The following SUZ12 variants were observed in gnomAD, a reference collection of about 807,000 sequenced individuals.
SUZ12 encodes the protein polycomb protein SUZ12.
SUZ12 carries 17 observed loss-of-function variants against 87.3 expected under a neutral mutation model. That is an observed-to-expected ratio of 0.19 (90% confidence interval 0.13 to 0.29). SUZ12 has a LOEUF of 0.29. SUZ12 is among the 10% of genes least tolerant of loss of function. The pLI is 1.00. For missense variants in SUZ12, 526 were observed against 912.2 expected (o/e 0.58, Z 5.45); for synonymous variants, 253 against 312.4 (o/e 0.81, Z 2.01).
intron 4 of SUZ12, among the ~76,000 whole-genome samples, chr17:31,957,532 C>G (rs1907425850): frequency 6.6e-6 from 1 of 152,028 alleles, no homozygotes; most frequent in Non-Finnish European, 1.5e-5. Flanking sequence ...CTGCCTCAGC[C>G]TCCCGAGTAG....
chr17:31,962,801 G>A (rs754325713), intron 4 of SUZ12, among the ~76,000 whole-genome samples: 23 of 152,368 alleles, frequency 1.5e-4, no homozygotes, highest in Non-Finnish European at 3.2e-4. Flanking sequence ...GGTAGGTGGG[G>A]TCTCAGTAGA....
At chr17:31,992,599 A>G (rs1909775782) in intron 10 of SUZ12, among the ~76,000 whole-genome samples, 1 of 151,746 alleles carries the variant, frequency 6.6e-6, no homozygotes. Flanking sequence ...TTTAGTAGAG[A>G]TGGGGTTTCA....
In SUZ12 at chr17:31,951,114, C is replaced by T. The variant is rs563339297; in HGVS notation, c.455+3429C>T. 2.0e-5 allele frequency among the ~76,000 whole-genome samples: 3 copies of T among 152,222 alleles called. No homozygotes were observed. In the South Asian group the frequency reaches 6.2e-4, roughly 32 times the overall value. The stretch of plus-strand genomic sequence containing the variant: ...TGTACTATTTCAGTTTGACTGGGTC[C>T]CAGATCTGTACAGGTCTAGTCTGGG... On this transcript the variant is annotated intron_variant, in intron 4 of 15. Transcript: ENST00000322652.
At chr17:31,959,902 T>A (rs1907591755) in intron 4 of SUZ12, among the ~76,000 whole-genome samples, 1 of 152,206 alleles carries the variant, frequency 6.6e-6, no homozygotes, top group Admixed American at 6.5e-5. Flanking sequence ...TTTACCTGAT[T>A]TCTTGTTATC....
chr17:31,960,226 T>G (rs1407348059), intron 4 of SUZ12, among the ~76,000 whole-genome samples: 1 of 152,174 alleles, frequency 6.6e-6, no homozygotes, highest in African/African-American at 2.4e-5. Context: ...ACTTTTTTTT[T>G]TTGAGACGGG....
Position 31,941,189 on chromosome 17 carries a change from C to T in SUZ12, c.386+703C>T, listed in dbSNP as rs192517968. On this transcript the variant is annotated intron_variant, in intron 3 of 15. Transcript: ENST00000322652. ...TGATCTCAGCTCACTGCAAGCTCCG[C>T]CTCCTGGGTTCATGCCATTCTCCTG... Among the ~76,000 whole-genome samples the T allele has an allele frequency of 5.3e-5, 8 of 150,930 alleles. No individual in the cohort carries two copies. In the Admixed American group the frequency reaches 5.3e-4, roughly 10 times the overall value.
intron 8 of SUZ12, among the ~76,000 whole-genome samples, chr17:31,977,945 T>C (rs949705316): frequency 3.9e-5 from 6 of 152,180 alleles, no homozygotes; most frequent in African/African-American, 1.4e-4. Flanking sequence ...GTGCATTTGG[T>C]ACAGGATGGC....
intron 4 of SUZ12, among the ~76,000 whole-genome samples, chr17:31,949,657 C>G (rs1164887999): frequency 4.3e-5 from 2 of 46,480 alleles, no homozygotes; most frequent in Admixed American, 4.1e-4. Context: ...GCCACCACAC[C>G]CAGCCCCCCC....
chr17:31,961,372 C>T (rs1907702738), intron 4 of SUZ12, among the ~76,000 whole-genome samples: 1 of 152,034 alleles, frequency 6.6e-6, no homozygotes, highest in Non-Finnish European at 1.5e-5. Flanking sequence ...CGTGGTGAAA[C>T]CTCATCTCTA....
rs1312379127 is a variant in SUZ12 at position 31,988,513 on chromosome 17, A to T, written c.1201+16A>T. ...CAAACTATTGGTAAGAAAACATTGC[A>T]ATCAAAATAATAAAATAATGGTTTG... On this transcript the variant is annotated intron_variant, in intron 10 of 15. Transcript: ENST00000322652. 6.3e-7 allele frequency: 1 copy of T among 1,580,194 alleles called. No individual in the cohort carries two copies. The highest frequency in any genetic ancestry group is 2.2e-5 in the East Asian group (1 of 44,550).
At chr17:31,979,661 T>A (rs1212379460) in intron 8 of SUZ12, among the ~76,000 whole-genome samples, 1 of 152,232 alleles carries the variant, frequency 6.6e-6, no homozygotes, top group Non-Finnish European at 1.5e-5. Context: ...CTTTACGTAC[T>A]ACATCACAGA....
rs796817018 is a variant in SUZ12, at chr17:31,941,013, G to GA, written c.386+537dup. Among the ~76,000 whole-genome samples the GA allele has an allele frequency of 8.1e-3, 1,169 of 144,018 alleles. 9 individuals carry two copies. Among genetic ancestry groups the GA allele is most frequent in the African/African-American group, 0.027 (1,064 of 39,392 alleles). 94.5% of individuals were successfully genotyped at this position (144,018 alleles called of 152,430 possible). Reference sequence around the variant, plus strand: ...CAACAGAGCGAGACTCTACCTCAAAGAAAAAAAAAACAAAACTGATTTTAG... The same window carrying GA: ...CAACAGAGCGAGACTCTACCTCAAAGAAAAAAAAAAACAAAACTGATTTTAG... On this transcript the variant is annotated intron_variant, in intron 3 of 15. Coordinates refer to ENST00000322652, the MANE Select transcript of SUZ12 (RefSeq NM_015355.4).
rs1249461287 is a variant in SUZ12 at position 31,987,056 on chromosome 17, TG to T, written c.1024-1263del. Among the ~76,000 whole-genome samples, 636 of 146,744 alleles carry T rather than the reference TG, an allele frequency of 4.3e-3. 1 individual carries two copies. The highest frequency in any genetic ancestry group is 0.015 in the African/African-American group (601 of 39,244). ...TACTGATCTATAACAAAGGTTTTTT[TG>T]TTTTTTTGTTTTTTTGTGATCCTTG... is the stretch of plus-strand genomic sequence containing the variant. On this transcript the variant is annotated intron_variant, in intron 9 of 15. Transcript: ENST00000322652.
chr17:31,942,762 T>C (rs550650070), intron 3 of SUZ12, among the ~76,000 whole-genome samples: 1 of 152,212 alleles, frequency 6.6e-6, no homozygotes, highest in African/African-American at 2.4e-5. Flanking sequence ...CAGCTTATTT[T>C]TGCTGTGTAA....
intron 8 of SUZ12, among the ~76,000 whole-genome samples, chr17:31,977,798 G>A (rs1598175351): frequency 6.6e-6 from 1 of 151,928 alleles, no homozygotes; most frequent in African/African-American, 2.4e-5. Context: ...CCGAGGCAGG[G>A]GAATCGCTTG....
chr17:31,974,221 A>T (rs557156021), intron 6 of SUZ12, among the ~76,000 whole-genome samples: 64 of 152,080 alleles, frequency 4.2e-4, no homozygotes, highest in African/African-American at 1.4e-3. Context: ...AAAAAAAAAA[A>T]ATGTATGTAA....
chr17:31,995,801 A>G (rs747276612), intron 14 of SUZ12, 39 bp downstream of exon 14: 3 of 1,478,784 alleles, frequency 2.0e-6, no homozygotes, highest in Non-Finnish European at 9.2e-7. Flanking sequence ...ATCTTGGAAT[A>G]TTATTTTGTT....
chr17:31,963,290 G>C (rs562375987), intron 4 of SUZ12, among the ~76,000 whole-genome samples: 1 of 151,982 alleles, frequency 6.6e-6, no homozygotes, highest in Admixed American at 6.6e-5. Context: ...GACTACAGGC[G>C]CATGCCACAA....
chr17:31,994,116 A>T, intron 12 of SUZ12, 108 bp downstream of exon 12: 2 of 1,040,208 alleles, frequency 1.9e-6, no homozygotes, highest in Non-Finnish European at 2.7e-6. Flanking sequence ...AAAAGGGAAA[A>T]AATATGCATT....
Sources: gnomAD v4.1 joint callset for allele counts (sites outside exome capture counted in the v4.1 genomes callset) on GRCh38, gnomAD v4.1.1 for gene constraint, MANE v1.5 for transcripts, NCBI Gene and HGNC (gene_info 2026-07-23, HGNC 2026-07-21) for gene names.